The following FBN3 variants were observed in gnomAD, a reference collection of about 807,000 sequenced individuals.
FBN3 encodes the protein fibrillin-3.
FBN3 carries 234 observed loss-of-function variants against 330.1 expected under a neutral mutation model. The observed-to-expected ratio is 0.71, with a 90% confidence interval of 0.64 to 0.79. The LOEUF is 0.79. FBN3 is among the 30% of genes least tolerant of loss of function. The pLI is 0.00. For missense variants in FBN3, 3,606 were observed against 3,886.9 expected, an observed-to-expected ratio of 0.93 and a Z score of 1.92; for synonymous variants, 1,458 against 1,517.3, an observed-to-expected ratio of 0.96 and a Z score of 0.91.
In FBN3 at chr19:8,078,251, T is replaced by C. The variant is rs1287901058; in HGVS notation, c.7453+2752A>G. On this transcript the variant is annotated intron_variant, in intron 59 of 63. Transcript: ENST00000600128. ...GAGACAAAATCCAAGCCACTGTCTG[T>C]TGTATCAATAAAGTTTATTGGGACA... is the stretch of plus-strand genomic sequence containing the variant. Among the ~76,000 whole-genome samples, 4 of 152,198 alleles carry C rather than the reference T, an allele frequency of 2.6e-5. No individual in the cohort carries two copies. The South Asian group carries it at 6.2e-4, about 24-fold the overall frequency.
At chr19:8,120,798 A>G (rs1376796015) in intron 25 of FBN3, among the ~76,000 whole-genome samples, 1 of 152,186 alleles carries the variant, frequency 6.6e-6, no homozygotes, top group East Asian at 1.9e-4. Context: ...TTCCTCAGCG[A>G]TTCATGTTAT....
chr19:8,081,246 A>T, intron 58 of FBN3, 112 bp downstream of exon 58: 1 of 1,481,162 alleles, frequency 6.8e-7, no homozygotes, highest in African/African-American at 1.4e-5. Context: ...ATGGTGCTTG[A>T]CTCCATGCAG....
At chr19:8,097,985 G>A (rs1213906153) in intron 41 of FBN3, among the ~76,000 whole-genome samples, 1 of 152,216 alleles carries the variant, frequency 6.6e-6, no homozygotes, top group Non-Finnish European at 1.5e-5. Flanking sequence ...GCAGAAGGGA[G>A]GGGCTAAAGG....
chr19:8,128,899 G>A, intron 18 of FBN3, 129 bp downstream of exon 18: 1 of 1,087,028 alleles, frequency 9.2e-7, no homozygotes, highest in Non-Finnish European at 1.3e-6. Flanking sequence ...CATATAGCAT[G>A]CGTGTGTGAA....
intron 5 of FBN3, among the ~76,000 whole-genome samples, chr19:8,145,337 G>A (rs2083507602): frequency 7.3e-6 from 1 of 136,328 alleles, no homozygotes; most frequent in Admixed American, 8.6e-5. Flanking sequence ...TGGTGCCACT[G>A]CATTCCAGCC....
At chr19:8,133,537 G>A (rs1168620685) in intron 13 of FBN3, among the ~76,000 whole-genome samples, 3 of 151,782 alleles carry the variant, frequency 2.0e-5, no homozygotes, top group African/African-American at 4.8e-5. Context: ...TGCAACCTCC[G>A]CCTCGCGGGT....
At chr19:8,112,152 G>T (rs557996261) in intron 30 of FBN3, 53 bp from the exon 31 acceptor site, 2 of 1,587,122 alleles carry the variant, frequency 1.3e-6, no homozygotes, top group Non-Finnish European at 1.7e-6. Context: ...GGAAAGACTC[G>T]ATGCAATAGC....
At position 8,129,066 on chromosome 19, in the gene FBN3, G is replaced by A; in HGVS notation, c.2258C>T (p.Pro753Leu). The change falls in exon 18 of 64, where the codon CCC (proline) becomes CTC (leucine). Residue 753 changes from proline (P) to leucine (L), a missense_variant. Pro to Leu is a moderately conservative substitution (Grantham distance 98). Coordinates refer to ENST00000600128, the MANE Select transcript of FBN3 (RefSeq NM_032447.5). This position sits in a 1 kb window ranked among gnomAD's most constrained non-coding sequence, Gnocchi z 4.5. The stretch of plus-strand genomic sequence containing the variant: ...CGTGTCCTGCCAGAAGTGGAAGCCG[G>A]GGGGGCAGGAGCAGCTGTAGCTGCC... ...SPGSYSCSCP[P>L]GFHFWQDTEI... is the part of the protein sequence containing the mutation. 1 of 1,613,472 alleles carries A rather than the reference G, an allele frequency of 6.2e-7. No individual in the cohort carries two copies. Among genetic ancestry groups the A allele is most frequent in the East Asian group, 2.2e-5 (1 of 44,702 alleles).
intron 6 of FBN3, among the ~76,000 whole-genome samples, chr19:8,143,588 A>G (rs901353334): frequency 3.4e-5 from 5 of 146,876 alleles, no homozygotes; most frequent in African/African-American, 1.3e-4. Context: ...CCCAGGTTCA[A>G]AAAATTCTCA....
intron 37 of FBN3, among the ~76,000 whole-genome samples, chr19:8,107,825 T>G (rs766839911): frequency 2.7e-5 from 4 of 149,190 alleles, no homozygotes. Context: ...GATGGATGGA[T>G]AGATGGATGA....
In FBN3 at chr19:8,109,380, C is replaced by T. The variant is rs1599362586; in HGVS notation, c.4465G>A (p.Ala1489Thr). The T allele has an allele frequency of 6.2e-7, 1 of 1,614,174 alleles. No individual in the cohort carries two copies. Residue 1489 changes from alanine (A) to threonine (T), a missense_variant, in exon 36 of 64, where the codon GCC (alanine) becomes ACC (threonine). Transcript: ENST00000600128. This position sits in a 1 kb window ranked among gnomAD's most constrained non-coding sequence, Gnocchi z 5.2. ...TGCGTCTCCAGGAAACAGTTCCCGG[C>T]CCGAGTGTCTGAACAGGCAGAAGGG... ...PSGVGCVDTR[A>T]GNCFLETHDR...
At position 8,066,040 on chromosome 19, in the gene FBN3, G is replaced by A; in HGVS notation, c.8309C>T (p.Pro2770Leu). 1 of 1,613,160 alleles carries A rather than the reference G, an allele frequency of 6.2e-7. No homozygotes were observed. Among genetic ancestry groups the A allele is most frequent in the Non-Finnish European group, 8.5e-7 (1 of 1,179,986 alleles). Residue 2770 changes from proline (P) to leucine (L), a missense_variant, in exon 64 of 64, where the codon CCT becomes CTT. Pro to Leu is a moderately conservative substitution (Grantham distance 98). Transcript: ENST00000600128. ...SLQLGRRRPG[P>L]GTYRLEVVSH... ...CACCACCTCCAGCCGGTAGGTTCCA[G>A]GCCCCGGCCGCCTCCGCCCCAGCTG...
At position 8,147,346 on chromosome 19, in the gene FBN3, C is replaced by T; in HGVS notation, c.135G>A (p.Val45=). 6.2e-7 allele frequency: 1 copy of T among 1,601,500 alleles called. No individual in the cohort carries two copies. The highest frequency in any genetic ancestry group is 8.5e-7 in the Non-Finnish European group (1 of 1,175,894). Residue 45 remains valine (V), a synonymous_variant, in exon 2 of 64, where the codon GTG becomes GTA. Transcript: ENST00000600128. ...GALEAAGPGR[V]RRRGSPGILQ... is the part of the protein sequence containing the mutation. ...AGATGCCTGGGCTGCCCCGCCTCCG[C>T]ACACGTCCAGGACCTGCAGCCTCCA...
At chr19:8,126,415 C>A (rs539643325) in intron 20 of FBN3, 53 bp downstream of exon 20, 2 of 1,593,646 alleles carry the variant, frequency 1.3e-6, no homozygotes, top group East Asian at 4.5e-5. Flanking sequence ...GGGGACCCGC[C>A]CCATGGAGGG....
rs116296994 is a variant in FBN3 at position 8,085,331 on chromosome 19, T to G, written c.7087+32A>C. 0.01 allele frequency: 15,905 copies of G among 1,539,110 alleles called. 1,205 individuals are homozygous for G. In the African/African-American group the frequency reaches 0.18, roughly 17 times the overall value. On this transcript the variant is annotated intron_variant, in intron 56 of 63. Coordinates refer to ENST00000600128, the MANE Select transcript of FBN3 (RefSeq NM_032447.5). The stretch of plus-strand genomic sequence containing the variant: ...TGAGCAAACTCCCCCGTTTCTTGCC[T>G]CCCTGGGGGTCCTGAGGGCATGGGC...
At position 8,084,400 on chromosome 19, in the gene FBN3, G is replaced by A. The variant is rs554963357; in HGVS notation, c.7087+963C>T. Among the ~76,000 whole-genome samples the A allele has an allele frequency of 5.9e-5, 9 of 151,904 alleles. No individual in the cohort carries two copies. In the East Asian group the frequency reaches 1.6e-3, roughly 27 times the overall value. ...AAAGAACACACACTGGGCCGGGCGC[G>A]GTGGCTCATGCCTGTAATCCCAGCA... is the stretch of plus-strand genomic sequence containing the variant. On this transcript the variant is annotated intron_variant, in intron 56 of 63. Coordinates refer to ENST00000600128, the MANE Select transcript of FBN3 (RefSeq NM_032447.5).
chr19:8,095,081 C>T (rs891422051), intron 46 of FBN3, among the ~76,000 whole-genome samples: 2 of 152,038 alleles, frequency 1.3e-5, no homozygotes, highest in Non-Finnish European at 2.9e-5. Context: ...AAGTGATTCT[C>T]CTGCCCCAGC....
chr19:8,130,835 AAT>A (rs1285150702), intron 16 of FBN3, among the ~76,000 whole-genome samples: 3 of 151,466 alleles, frequency 2.0e-5, no homozygotes, highest in African/African-American at 7.3e-5. Context: ...GAGCCTGGGC[AAT>A]AGAGTGAGAT....
rs776007126 is a variant in FBN3 at position 8,131,935 on chromosome 19, C to T, written c.1715-106G>A. On this transcript the variant is annotated intron_variant, in intron 14 of 63. Coordinates refer to ENST00000600128, the MANE Select transcript of FBN3 (RefSeq NM_032447.5). The surrounding 1 kb of genome is among the most constrained non-coding windows in gnomAD (Gnocchi z 4.5). ...TCTTCCCAGCCATTCTATTTCTTTC[C>T]TTTCCAGTTTCTTGTCTTTCCAGTT... The T allele has an allele frequency of 3.8e-6, 5 of 1,303,088 alleles. No individual in the cohort carries two copies. Among genetic ancestry groups the T allele is most frequent in the Non-Finnish European group, 4.0e-6 (4 of 988,906 alleles). 80.7% of individuals were successfully genotyped at this position (1,303,088 alleles called of 1,614,324 possible).
Sources: allele counts gnomAD v4.1 joint callset (sites outside exome capture counted in the v4.1 genomes callset), GRCh38; gene constraint gnomAD v4.1.1; non-coding constraint Gnocchi (gnomAD v3.1); transcripts MANE v1.5; gene names NCBI Gene and HGNC (gene_info 2026-07-23, HGNC 2026-07-21).